ADGRD1: variants seen among roughly 807,000 people sequenced by gnomAD.
ADGRD1 encodes the protein G-protein coupled receptor 133.
In ADGRD1, 77 loss-of-function variants were observed where a neutral mutation model predicts 113.4. That is an observed-to-expected ratio of 0.68 (90% CI 0.57 to 0.82). The LOEUF is 0.82. ADGRD1 is among the 40% of genes least tolerant of loss of function. ADGRD1 has a pLI of 0.00. For synonymous variants in ADGRD1, 474 were observed against 475.0 expected (o/e 1.00, Z 0.03); for missense variants, 1,036 against 1,139.1 (o/e 0.91, Z 1.30).
rs971448507 is a variant in ADGRD1, at chr12:131,084,984, T to G, written c.1671+321T>G. ...TCCCTCCATCTGTCCCTCTGGCAGA[T>G]TCTCACTGGGCGCCTGCTGGGAGCC... On this transcript the variant is annotated intron_variant, in intron 15 of 24. Coordinates refer to ENST00000261654, the MANE Select transcript of ADGRD1 (RefSeq NM_198827.5). The surrounding 1 kb of genome is among the most constrained non-coding windows in gnomAD (Gnocchi z 4.5). 6.6e-6 allele frequency among the ~76,000 whole-genome samples: 1 copy of G among 152,194 alleles called. No individual in the cohort carries two copies. Among genetic ancestry groups the G allele is most frequent in the African/African-American group, 2.4e-5 (1 of 41,448 alleles).
intron 15 of ADGRD1, among the ~76,000 whole-genome samples, chr12:131,094,094 A>G (rs975994567): frequency 5.3e-5 from 8 of 150,126 alleles, no homozygotes; most frequent in South Asian, 2.1e-4. Flanking sequence ...ACCCAGTCTC[A>G]GCACCCAGCC....
Position 131,111,658 on chromosome 12 carries a change from C to G in ADGRD1, c.2041+2781C>G, listed in dbSNP as rs150052504. Among the ~76,000 whole-genome samples, 3 of 151,310 alleles carry G rather than the reference C, an allele frequency of 2.0e-5. No homozygotes were observed. In the East Asian group the frequency reaches 5.8e-4, roughly 29 times the overall value. On this transcript the variant is annotated intron_variant, in intron 18 of 24. Coordinates refer to ENST00000261654, the MANE Select transcript of ADGRD1 (RefSeq NM_198827.5). ...TTCAAATTGCGTAATCTTTCTTTAT[C>G]TCTCTTCAAGTTCACTGATTCTTCT...
At chr12:130,969,241 G>A (rs1394657041) in intron 3 of ADGRD1, 8 of 598,830 alleles carry the variant, frequency 1.3e-5, no homozygotes, top group Non-Finnish European at 2.4e-5. Flanking sequence ...AACCACTAGG[G>A]TTAAGTCTAA....
At chr12:131,017,748 A>G (rs1287654117) in intron 13 of ADGRD1, among the ~76,000 whole-genome samples, 1 of 149,344 alleles carries the variant, frequency 6.7e-6, no homozygotes, top group African/African-American at 2.5e-5. Context: ...AGACACACCC[A>G]GTGCACACAT....
rs548645335 is a variant in ADGRD1 at position 131,027,841 on chromosome 12, C to T, written c.1473+13501C>T. 3.3e-5 allele frequency: 5 copies of T among 152,276 alleles called. No individual in the cohort carries two copies. The highest frequency in any genetic ancestry group is 1.9e-4 in the East Asian group (1 of 5,190). 9.4% of individuals were successfully genotyped at this position (152,276 alleles called of 1,614,324 possible). ...GTATGGTATGACAGTTTTTACAAAG[C>T]GAACATACCCAAGAAATCACCCCTC... is the stretch of plus-strand genomic sequence containing the variant. On this transcript the variant is annotated intron_variant, in intron 13 of 24. Coordinates refer to ENST00000261654, the MANE Select transcript of ADGRD1 (RefSeq NM_198827.5). The surrounding 1 kb of genome is among the most constrained non-coding windows in gnomAD (Gnocchi z 5.1).
chr12:130,967,952 C>T (rs1871197306), intron 3 of ADGRD1: 1 of 152,220 alleles, frequency 6.6e-6, no homozygotes, highest in Non-Finnish European at 1.5e-5. Context: ...GAACCACGTT[C>T]CCTTGTTGGC....
At chr12:130,997,191 C>A (rs1379679267) in intron 8 of ADGRD1, among the ~76,000 whole-genome samples, 1 of 140,684 alleles carries the variant, frequency 7.1e-6, no homozygotes, top group Non-Finnish European at 1.6e-5. Context: ...GGGGCTGACC[C>A]CCCCCCCCGG....
chr12:131,060,451 C>T lies in ADGRD1; in HGVS notation c.1474-16350C>T, dbSNP rs1884223901. Among the ~76,000 whole-genome samples, 1 of 152,224 alleles carries T rather than the reference C, an allele frequency of 6.6e-6. No individual in the cohort carries two copies. Among genetic ancestry groups the T allele is most frequent in the Non-Finnish European group, 1.5e-5 (1 of 68,036 alleles). On this transcript the variant is annotated intron_variant, in intron 13 of 24. Coordinates refer to ENST00000261654, the MANE Select transcript of ADGRD1 (RefSeq NM_198827.5). The surrounding 1 kb of genome is among the most constrained non-coding windows in gnomAD (Gnocchi z 4.4). ...CAGGGGTCATGTTCAAAAGACCCAGCAGCATGGACAATGCTGTGTCAGAGC... is the reference window on the plus strand; with the variant it reads ...CAGGGGTCATGTTCAAAAGACCCAGTAGCATGGACAATGCTGTGTCAGAGC...
chr12:131,131,947 C>T, intron 21 of ADGRD1, 131 bp downstream of exon 21: 2 of 671,862 alleles, frequency 3.0e-6, no homozygotes, highest in South Asian at 1.7e-5. Context: ...CTCCGTGTCC[C>T]TGCCATCTCA....
At chr12:131,135,950 TCTGGAAGC>T in intron 21 of ADGRD1, 79 bp from the exon 22 acceptor site, 3 of 1,462,620 alleles carry the variant, frequency 2.1e-6, no homozygotes, top group Non-Finnish European at 2.8e-6. Flanking sequence ...CCTGCACCCA[TCTGGAAGC>T]CTGGCGTCTC....
rs374936502 is a variant in ADGRD1, at chr12:131,017,801, C to T, written c.1473+3461C>T. On this transcript the variant is annotated intron_variant, in intron 13 of 24. Transcript: ENST00000261654. The stretch of plus-strand genomic sequence containing the variant: ...TCAGTACACACACACCCAACACAGA[C>T]ACACCCAGTGTGCACACACCCAGTC... 3.3e-3 allele frequency among the ~76,000 whole-genome samples: 500 copies of T among 150,824 alleles called. 2 individuals carry two copies. The highest frequency in any genetic ancestry group is 0.012 in the African/African-American group (473 of 41,070).
At chr12:131,056,290 T>C (rs1003240160) in intron 13 of ADGRD1, among the ~76,000 whole-genome samples, 2 of 152,250 alleles carry the variant, frequency 1.3e-5, no homozygotes, top group African/African-American at 4.8e-5. Flanking sequence ...TTGCCGGCTA[T>C]AGGGGAAAAT....
intron 12 of ADGRD1, among the ~76,000 whole-genome samples, chr12:131,009,944 CTT>C (rs1011679100): frequency 6.6e-6 from 1 of 152,202 alleles, no homozygotes; most frequent in Non-Finnish European, 1.5e-5. Flanking sequence ...GCTGGTTTGA[CTT>C]TTAACAGTGC....
rs1388182801 is a variant in ADGRD1, at chr12:130,955,785, T to TA, written c.103+1125_103+1126insA. ...AATCAGCCTTTTTAAAAAAATTATT[T>TA]TTGTTTTTATTTTTTGAGACAAAGT... On this transcript the variant is annotated intron_variant, in intron 2 of 24. Transcript: ENST00000261654. 3.3e-5 allele frequency among the ~76,000 whole-genome samples: 5 copies of TA among 150,790 alleles called. No individual in the cohort carries two copies. The East Asian group carries it at 5.9e-4, about 18-fold the overall frequency.
intron 6 of ADGRD1, chr12:130,988,595 A>C (rs1430325354): frequency 6.6e-6 from 1 of 152,242 alleles, no homozygotes; most frequent in Non-Finnish European, 1.5e-5. Flanking sequence ...CTTGCAATGG[A>C]AGCTCTAGGG....
At chr12:131,076,186 T>G (rs1885589101) in intron 13 of ADGRD1, among the ~76,000 whole-genome samples, 1 of 152,220 alleles carries the variant, frequency 6.6e-6, no homozygotes, top group Non-Finnish European at 1.5e-5. Context: ...AAGCACCTGC[T>G]GTATGCCAGA....
At chr12:130,997,664 C>T (rs1383541395) in intron 8 of ADGRD1, among the ~76,000 whole-genome samples, 1 of 151,692 alleles carries the variant, frequency 6.6e-6, no homozygotes, top group African/African-American at 2.4e-5. Context: ...GGAAGAGGCG[C>T]TCCTCATTTC....
chr12:131,099,461 A>G (rs1413120389), intron 15 of ADGRD1, among the ~76,000 whole-genome samples: 2 of 152,218 alleles, frequency 1.3e-5, no homozygotes, highest in African/African-American at 4.8e-5. Flanking sequence ...GTGAGCCACT[A>G]TCAGGATCAC....
intron 18 of ADGRD1, among the ~76,000 whole-genome samples, chr12:131,115,389 G>A (rs534434298): frequency 6.6e-6 from 1 of 152,312 alleles, no homozygotes; most frequent in African/African-American, 2.4e-5. Flanking sequence ...CCGAGGGGCA[G>A]GGGTGTGGAC....
Sources: allele counts gnomAD v4.1 joint callset (sites outside exome capture counted in the v4.1 genomes callset), GRCh38; gene constraint gnomAD v4.1.1; non-coding constraint Gnocchi (gnomAD v3.1); transcripts MANE v1.5; gene names NCBI Gene and HGNC (gene_info 2026-07-23, HGNC 2026-07-21).